USH2A: variants seen among roughly 807,000 people sequenced by gnomAD.
The protein encoded by USH2A is usherin.
Under a neutral mutation model 538.9 loss-of-function variants are expected in USH2A, and 443 were observed. The ratio of observed to expected loss-of-function variants is 0.82; its 90% CI spans 0.76 to 0.89. The LOEUF (loss-of-function observed/expected upper bound fraction) is 0.89, where lower values mean the gene tolerates loss of function less well. Ranked by LOEUF, USH2A falls within the 40% of genes least tolerant of loss-of-function variation. The probability of loss-of-function intolerance (pLI) is 0.00; values close to 1 mark genes in which losing one functional copy is unlikely to be tolerated. For synonymous variants in USH2A, 2,413 were observed against 2,273.5 expected, an observed-to-expected ratio of 1.06 and a Z score of -1.75; for missense variants, 6,633 against 6,324.8, an observed-to-expected ratio of 1.05 and a Z score of -1.65.
chr1:215,769,961 G>A (rs1005136101), intron 55 of USH2A, among the ~76,000 whole-genome samples: 1 of 152,256 alleles, frequency 6.6e-6, no homozygotes. Context: ...CTGAAATGTA[G>A]CCATGCTGAC....
chr1:216,219,634 C>G (rs1021182216), intron 14 of USH2A, among the ~76,000 whole-genome samples: 1 of 151,954 alleles, frequency 6.6e-6, no homozygotes, highest in African/African-American at 2.4e-5. Context: ...AGATGAATTG[C>G]AATATTGATT....
intron 67 of USH2A, among the ~76,000 whole-genome samples, chr1:215,641,471 A>AT (rs1656683287): frequency 6.6e-6 from 1 of 152,124 alleles, no homozygotes; most frequent in African/African-American, 2.4e-5. Context: ...CATTCTCTTG[A>AT]TTTTTCAGTT....
At chr1:216,251,167 C>A (rs1473070860) in intron 11 of USH2A, 69 bp from the exon 12 acceptor site, 1 of 1,522,974 alleles carries the variant, frequency 6.6e-7, no homozygotes, top group Non-Finnish European at 9.1e-7. Context: ...TCATTAGGTA[C>A]AAGACAGGGA....
rs964174122 is a variant in USH2A, at chr1:215,887,730, T to C, written c.8223+696A>G. Among the ~76,000 whole-genome samples the C allele has an allele frequency of 5.3e-5, 8 of 152,232 alleles. No homozygotes were observed. In the East Asian group the frequency reaches 7.7e-4, roughly 15 times the overall value. On this transcript the variant is annotated intron_variant, in intron 41 of 71. Coordinates refer to ENST00000307340, the MANE Select transcript of USH2A (RefSeq NM_206933.4). ...TTTCAGCAGATGAACTTTGCTGTTA[T>C]GCAAATGTCCTTTGTTTTGTGCTCC...
Position 215,648,779 on chromosome 1 carries a change from G to GGAAGGCTAGAT in USH2A, c.14344-24_14344-14dup. ...TGCCTTCGGATAGCTGTGGAAGGAA[G>GGAAGGCTAGAT]GAAGGCTAGATAAAGGCAGTGTCAA... On this transcript the variant is annotated splice_polypyrimidine_tract_variant and intron_variant, in intron 65 of 71. Transcript: ENST00000307340. 6.2e-7 allele frequency: 1 copy of GGAAGGCTAGAT among 1,610,256 alleles called. No homozygotes were observed. The highest frequency in any genetic ancestry group is 8.5e-7 in the Non-Finnish European group (1 of 1,176,712).
At chr1:215,842,509 A>G (rs1434920504) in intron 46 of USH2A, among the ~76,000 whole-genome samples, 1 of 152,202 alleles carries the variant, frequency 6.6e-6, no homozygotes, top group Non-Finnish European at 1.5e-5. Context: ...ACAAGCACAT[A>G]TATGTTCATT....
intron 64 of USH2A, among the ~76,000 whole-genome samples, chr1:215,659,149 G>C (rs935090128): frequency 1.1e-4 from 16 of 152,170 alleles, no homozygotes; most frequent in African/African-American, 3.1e-4. Flanking sequence ...GAAATGATGA[G>C]ATTGTAGGGT....
At chr1:216,365,156 GT>G (rs1184301852) in intron 3 of USH2A, 71 bp from the exon 4 acceptor site, 1 of 1,525,624 alleles carries the variant, frequency 6.6e-7, no homozygotes, top group African/African-American at 1.4e-5. Flanking sequence ...CATTTCAGCA[GT>G]TTTTATTAAG....
intron 62 of USH2A, among the ~76,000 whole-genome samples, chr1:215,677,998 C>T (rs1388511308): frequency 6.6e-6 from 1 of 152,190 alleles, no homozygotes; most frequent in Admixed American, 6.5e-5. Flanking sequence ...TCAAAGCGCT[C>T]CCTTTCCTTC....
intron 32 of USH2A, among the ~76,000 whole-genome samples, chr1:216,043,434 A>G (rs2030374296): frequency 6.6e-6 from 1 of 152,144 alleles, no homozygotes; most frequent in Admixed American, 6.5e-5. Flanking sequence ...CAGCAGAAAA[A>G]AAAATGCTAT....
chr1:215,956,170 A>G (rs768735928), intron 37 of USH2A, among the ~76,000 whole-genome samples: 15 of 152,194 alleles, frequency 9.9e-5, no homozygotes, highest in Non-Finnish European at 1.6e-4. Context: ...TGATTCTAAT[A>G]TTACTATTTA....
intron 32 of USH2A, among the ~76,000 whole-genome samples, chr1:216,012,465 C>T (rs1405087768): frequency 6.6e-6 from 1 of 152,040 alleles, no homozygotes; most frequent in Non-Finnish European, 1.5e-5. Context: ...TAAGTACAGG[C>T]CTTTCCTACA....
intron 32 of USH2A, among the ~76,000 whole-genome samples, chr1:216,043,664 GA>G (rs1452924923): frequency 6.6e-6 from 1 of 152,020 alleles, no homozygotes; most frequent in Non-Finnish European, 1.5e-5. Flanking sequence ...ACAAAATACA[GA>G]ATTCAGTGTC....
At chr1:216,207,082 A>G (rs1378451269) in intron 16 of USH2A, among the ~76,000 whole-genome samples, 191 bp downstream of exon 16, 1 of 152,068 alleles carries the variant, frequency 6.6e-6, no homozygotes, top group East Asian at 1.9e-4. Flanking sequence ...ATTAGTATTT[A>G]TCAGATAATA....
chr1:216,348,933 A>T (rs892053218), intron 4 of USH2A, among the ~76,000 whole-genome samples: 10 of 152,110 alleles, frequency 6.6e-5, no homozygotes, highest in African/African-American at 2.4e-4. Flanking sequence ...ACATACTGGG[A>T]TTTACTAGCA....
chr1:216,246,087 C>G (rs1472412158), intron 13 of USH2A, among the ~76,000 whole-genome samples: 1 of 152,044 alleles, frequency 6.6e-6, no homozygotes, highest in African/African-American at 2.4e-5. Context: ...TAAACAGTGG[C>G]CTATTTTATT....
intron 71 of USH2A, among the ~76,000 whole-genome samples, chr1:215,627,437 C>CTTCTTTCCTTCCTTCCTTCT (rs1222011734): frequency 5.9e-5 from 3 of 50,764 alleles, no homozygotes; most frequent in East Asian, 1.6e-3. Flanking sequence ...TCCTTCCTTC[C>CTTCTTTCCTTCCTTCCTTCT]TTCCTTCCTT....
intron 20 of USH2A, among the ~76,000 whole-genome samples, chr1:216,188,524 T>C (rs1050558525): frequency 1.3e-5 from 2 of 151,816 alleles, no homozygotes; most frequent in African/African-American, 4.8e-5. Flanking sequence ...AAAATGTTAT[T>C]GGAAGGATGA....
chr1:216,326,592 G>A (rs1480516538), intron 5 of USH2A, among the ~76,000 whole-genome samples: 2 of 152,096 alleles, frequency 1.3e-5, no homozygotes, highest in Non-Finnish European at 2.9e-5. Context: ...AGACAAAGGT[G>A]ATCTAAAATA....
Sources: allele counts gnomAD v4.1 joint callset (sites outside exome capture counted in the v4.1 genomes callset), GRCh38; gene constraint gnomAD v4.1.1; transcripts MANE v1.5; gene names NCBI Gene and HGNC (gene_info 2026-07-23, HGNC 2026-07-21).